Variants in HBS1L observed in about 807,000 individuals in gnomAD.
HBS1L encodes the protein HBS1 like translational GTPase, also known as HBS1-like protein.
A neutral mutation model predicts 88.9 loss-of-function variants in HBS1L; 55 were observed. That is an observed-to-expected ratio of 0.62 (90% CI 0.50 to 0.77). The LOEUF (loss-of-function observed/expected upper bound fraction) is 0.77. Ranked by LOEUF, HBS1L falls within the 30% of genes least tolerant of loss-of-function variation. HBS1L has a pLI of 0.00. For missense variants in HBS1L, 741 were observed against 829.3 expected, an observed-to-expected ratio of 0.89 and a Z score of 1.31; for synonymous variants, 267 against 288.5, an observed-to-expected ratio of 0.93 and a Z score of 0.76.
intron 4 of HBS1L, among the ~76,000 whole-genome samples, chr6:135,015,991 T>G (rs1775911600): frequency 6.6e-6 from 1 of 151,764 alleles, no homozygotes; most frequent in Non-Finnish European, 1.5e-5. Flanking sequence ...GTTCAAGAGA[T>G]TCTCCTGCCT....
At chr6:135,040,716 TTCTGATGACATTAGTATTA>T (rs1258066738) in intron 3 of HBS1L, among the ~76,000 whole-genome samples, 4 of 152,174 alleles carry the variant, frequency 2.6e-5, no homozygotes, top group African/African-American at 9.7e-5. Flanking sequence ...AATTTTAATT[TTCTGATGACATTAGTATTA>T]AAAGTAATTA....
intron 4 of HBS1L, among the ~76,000 whole-genome samples, chr6:135,005,021 G>A (rs939339523): frequency 3.3e-5 from 5 of 152,186 alleles, no homozygotes; most frequent in African/African-American, 1.2e-4. Context: ...GAAGCTAAGG[G>A]AAGACAGTGT....
At chr6:134,965,429 C>T in intron 17 of HBS1L, 139 bp from the exon 18 acceptor site, 1 of 624,140 alleles carries the variant, frequency 1.6e-6, no homozygotes, top group East Asian at 2.8e-5. Flanking sequence ...TTCTTCCTTT[C>T]CTAGTCATGC....
intron 4 of HBS1L, among the ~76,000 whole-genome samples, chr6:135,029,154 TA>T (rs1776317229): frequency 6.6e-6 from 1 of 151,818 alleles, no homozygotes; most frequent in Non-Finnish European, 1.5e-5. Flanking sequence ...TGAGAAAAAA[TA>T]ATATTTTTTC....
chr6:134,985,554 C>T (rs934910370), intron 11 of HBS1L, 145 bp from the exon 12 acceptor site: 1 of 532,504 alleles, frequency 1.9e-6, no homozygotes, highest in African/African-American at 2.0e-5. Context: ...CACTAATATA[C>T]ACATTGAGCA....
chr6:134,976,759 G>A (rs1411608362), intron 15 of HBS1L, among the ~76,000 whole-genome samples: 1 of 152,062 alleles, frequency 6.6e-6, no homozygotes, highest in Non-Finnish European at 1.5e-5. Flanking sequence ...GTAGCGGGTA[G>A]GGCTTGAAGG....
rs1774213619 is a variant in HBS1L at position 134,962,724 on chromosome 6, T to C, written c.*2555A>G. On this transcript the variant is annotated 3_prime_UTR_variant, in exon 18 of 18. Coordinates refer to ENST00000367837, the MANE Select transcript of HBS1L (RefSeq NM_006620.4). ...TTAGTGTGAAGAAACAGTAAAATCA[T>C]AAAAAAGAAGACAGTCAGGACAAGA... is the stretch of plus-strand genomic sequence containing the variant. 6.6e-6 allele frequency: 1 copy of C among 152,132 alleles called. No individual in the cohort carries two copies. Among genetic ancestry groups the C allele is most frequent in the South Asian group, 2.1e-4 (1 of 4,822 alleles). 9.4% of individuals were successfully genotyped at this position (152,132 alleles called of 1,614,324 possible).
intron 7 of HBS1L, among the ~76,000 whole-genome samples, chr6:134,994,129 T>C (rs1352887500): frequency 1.3e-5 from 2 of 152,114 alleles, no homozygotes; most frequent in Non-Finnish European, 2.9e-5. Flanking sequence ...CCCTATTATC[T>C]TATTTGTTTT....
chr6:134,961,380 A>C lies in HBS1L; in HGVS notation c.*3899T>G, dbSNP rs1221100653. Reference sequence around the variant, plus strand: ...TACTTAAATGGTTTCAGTGTGAAAAAGCAGCTTCTGACCTAGCATTCACAC... The same window carrying C: ...TACTTAAATGGTTTCAGTGTGAAAACGCAGCTTCTGACCTAGCATTCACAC... On this transcript the variant is annotated 3_prime_UTR_variant, in exon 18 of 18. Coordinates refer to ENST00000367837, the MANE Select transcript of HBS1L (RefSeq NM_006620.4). 6.6e-6 allele frequency: 1 copy of C among 152,192 alleles called. No homozygotes were observed. The allele number at this position is 152,192 out of a possible 1,614,324, so 9.4% of individuals were successfully genotyped here. A position where few individuals can be genotyped will look rare whatever the true frequency, so the allele number is the denominator to read the frequency against.
intron 4 of HBS1L, chr6:135,036,673 T>A: frequency 6.4e-7 from 1 of 1,551,342 alleles, no homozygotes; most frequent in East Asian, 2.4e-5. Context: ...GTCCTTTACA[T>A]CTTGAACTTG....
At chr6:135,035,641 C>G (rs1271441643) in intron 4 of HBS1L, among the ~76,000 whole-genome samples, 1 of 151,302 alleles carries the variant, frequency 6.6e-6, no homozygotes, top group Non-Finnish European at 1.5e-5. Context: ...GTCCCAGCTA[C>G]TCTGGAGGCT....
intron 4 of HBS1L, chr6:135,038,133 G>T: frequency 1.2e-6 from 1 of 811,060 alleles, no homozygotes; most frequent in Non-Finnish European, 1.8e-6. Flanking sequence ...ATTACTAAAT[G>T]CTTCTTTTGA....
chr6:134,994,892 G>C (rs554112128), intron 7 of HBS1L, among the ~76,000 whole-genome samples: 5 of 152,124 alleles, frequency 3.3e-5, no homozygotes, highest in African/African-American at 1.2e-4. Flanking sequence ...GTTTGCCCCA[G>C]AATCACCCAA....
intron 5 of HBS1L, among the ~76,000 whole-genome samples, chr6:135,002,423 T>C (rs1353541779): frequency 6.6e-6 from 1 of 152,156 alleles, no homozygotes; most frequent in Non-Finnish European, 1.5e-5. Flanking sequence ...CACCTAGTGG[T>C]ATAAGAATTC....
intron 4 of HBS1L, among the ~76,000 whole-genome samples, chr6:135,020,528 C>T (rs578161369): frequency 2.4e-4 from 36 of 152,054 alleles, no homozygotes; most frequent in Admixed American, 5.9e-4. Flanking sequence ...ATCTTTTATC[C>T]ACTGTCAATG....
intron 7 of HBS1L, among the ~76,000 whole-genome samples, chr6:134,995,489 G>C (rs537428160): frequency 4.6e-5 from 7 of 151,976 alleles, no homozygotes; most frequent in African/African-American, 1.7e-4. Flanking sequence ...ATCAACAGAT[G>C]TATTATCAAA....
chr6:134,970,651 C>T (rs1422954878), intron 15 of HBS1L, among the ~76,000 whole-genome samples: 1 of 152,138 alleles, frequency 6.6e-6, no homozygotes, highest in Non-Finnish European at 1.5e-5. Flanking sequence ...GGCCATGATG[C>T]TGTGTGTAGA....
intron 4 of HBS1L, among the ~76,000 whole-genome samples, chr6:135,024,457 A>C (rs1424036031): frequency 1.0e-4 from 15 of 149,930 alleles, no homozygotes; most frequent in Non-Finnish European, 1.9e-4. Flanking sequence ...AAAAAAAAAA[A>C]AAAAACACAA....
At chr6:135,045,690 C>T (rs1463627898) in intron 2 of HBS1L, among the ~76,000 whole-genome samples, 1 of 152,126 alleles carries the variant, frequency 6.6e-6, no homozygotes, top group Non-Finnish European at 1.5e-5. Context: ...ACAAAATTAG[C>T]TAGGCGTGGT....
Sources: gnomAD v4.1 joint callset for allele counts (sites outside exome capture counted in the v4.1 genomes callset) on GRCh38, gnomAD v4.1.1 for gene constraint, MANE v1.5 for transcripts, NCBI Gene and HGNC (gene_info 2026-07-23, HGNC 2026-07-21) for gene names.